ZC3H12B: variants seen among roughly 807,000 people sequenced by gnomAD.
The protein encoded by ZC3H12B is zinc finger CCCH-type containing 12B, also known as probable ribonuclease ZC3H12B.
A neutral mutation model predicts 43.9 loss-of-function variants in ZC3H12B; 7 were observed. The ratio of observed to expected loss-of-function variants is 0.16; its 90% CI spans 0.09 to 0.30. The LOEUF is 0.30. ZC3H12B is among the 10% of genes least tolerant of loss of function. The pLI is 1.00. For synonymous variants in ZC3H12B, 222 were observed against 241.7 expected, an observed-to-expected ratio of 0.92 and a Z score of 0.76; for missense variants, 475 against 670.2, an observed-to-expected ratio of 0.71 and a Z score of 3.22.
the ZC3H12B span, among the ~76,000 whole-genome samples, chrX:65,159,870 G>T: frequency 6.3e-5 from 7 of 111,642 alleles, no homozygotes; most frequent in South Asian, 7.5e-4. Flanking sequence ...TCCAGTTTTT[G>T]CCCATTCAGT....
the ZC3H12B span, among the ~76,000 whole-genome samples, chrX:65,191,447 T>C: frequency 9.9e-6 from 1 of 101,089 alleles, no homozygotes; most frequent in Non-Finnish European, 1.9e-5. Context: ...TTTTGGTTGG[T>C]AAACTATTGA....
At chrX:65,293,023 C>A in the ZC3H12B span, among the ~76,000 whole-genome samples, 1 of 112,042 alleles carries the variant, frequency 8.9e-6, no homozygotes. Context: ...AAACATCATT[C>A]AAATACTTTG....
the ZC3H12B span, among the ~76,000 whole-genome samples, chrX:65,172,951 A>C: frequency 6.3e-5 from 7 of 111,221 alleles, no homozygotes; most frequent in Non-Finnish European, 1.1e-4. Flanking sequence ...GTTTTTTCTA[A>C]TTCTGCTTAC....
chrX:65,475,854 G>C (rs958831497), intron 3 of ZC3H12B, among the ~76,000 whole-genome samples: 1 of 111,643 alleles, frequency 9.0e-6, no homozygotes, highest in Non-Finnish European at 1.9e-5. Context: ...ACCCACCCCC[G>C]TGATTGAATT....
chrX:65,224,075 T>A, the ZC3H12B span, among the ~76,000 whole-genome samples: 1 of 112,367 alleles, frequency 8.9e-6, no homozygotes, highest in Admixed American at 9.4e-5. Context: ...TCAATGAAGG[T>A]GTAAAGAAAC....
intron 3 of ZC3H12B, among the ~76,000 whole-genome samples, chrX:65,436,259 G>A (rs907573861): frequency 1.2e-4 from 14 of 112,001 alleles, no homozygotes; most frequent in African/African-American, 3.2e-4. Context: ...CTCCCACTAG[G>A]CCCCTCCTCC....
At chrX:65,228,103 T>C in the ZC3H12B span, among the ~76,000 whole-genome samples, 143 of 111,620 alleles carry the variant, frequency 1.3e-3, no homozygotes, top group East Asian at 9.3e-3. Context: ...TTGACCAATA[T>C]CCTTGATGAA....
the ZC3H12B span, among the ~76,000 whole-genome samples, chrX:65,153,981 C>CA: frequency 7.3e-5 from 8 of 110,126 alleles, no homozygotes; most frequent in South Asian, 1.6e-3. Context: ...ATTGCAAGGA[C>CA]AAAAAACCAA....
the ZC3H12B span, among the ~76,000 whole-genome samples, chrX:65,041,755 G>A: frequency 0.049 from 5,465 of 111,708 alleles, 158 homozygotes; most frequent in Non-Finnish European, 0.081. Flanking sequence ...AAAACTTCAG[G>A]ACCTTCTTCT....
the ZC3H12B span, among the ~76,000 whole-genome samples, chrX:65,069,948 T>C: frequency 9.0e-6 from 1 of 111,577 alleles, no homozygotes; most frequent in East Asian, 2.8e-4. Context: ...ATCAAGATGA[T>C]GCTGGCCTCA....
At chrX:65,418,971 C>T (rs1273932617) in intron 3 of ZC3H12B, among the ~76,000 whole-genome samples, 3 of 111,789 alleles carry the variant, frequency 2.7e-5, no homozygotes, top group Non-Finnish European at 5.6e-5. Context: ...GATTACTGGA[C>T]ATTAGATCTG....
intron 3 of ZC3H12B, among the ~76,000 whole-genome samples, chrX:65,410,303 A>G (rs1234136663): frequency 8.9e-6 from 1 of 111,781 alleles, no homozygotes; most frequent in Admixed American, 9.5e-5. Flanking sequence ...CACCATGTAC[A>G]AAAGTCAAAT....
chrX:65,056,298 C>A, the ZC3H12B span, among the ~76,000 whole-genome samples: 50 of 111,167 alleles, frequency 4.5e-4, 1 homozygote, highest in East Asian at 0.011. Flanking sequence ...TGTCTTTGTT[C>A]TCGTTGGTTT....
chrX:65,406,360 C>A (rs552537744), intron 3 of ZC3H12B, among the ~76,000 whole-genome samples: 8 of 45,072 alleles, frequency 1.8e-4, no homozygotes, highest in Middle Eastern at 0.019. Flanking sequence ...TCAATCAATG[C>A]GATACATCAT....
chrX:65,054,137 C>T, the ZC3H12B span, among the ~76,000 whole-genome samples: 1 of 111,779 alleles, frequency 8.9e-6, no homozygotes, highest in African/African-American at 3.2e-5. Flanking sequence ...TCAATTTTGG[C>T]TTTTGTTGCC....
At chrX:65,465,538 G>A (rs1015943969) in intron 3 of ZC3H12B, among the ~76,000 whole-genome samples, 2 of 111,092 alleles carry the variant, frequency 1.8e-5, no homozygotes, top group Non-Finnish European at 3.8e-5. Flanking sequence ...TTTGGATCAT[G>A]TCTTTTAATT....
chrX:65,457,011 C>T (rs1451003974), intron 3 of ZC3H12B, among the ~76,000 whole-genome samples: 9 of 99,187 alleles, frequency 9.1e-5, no homozygotes, highest in East Asian at 6.7e-4. Flanking sequence ...GCCTCTTCCC[C>T]GCTGCCATCC....
At chrX:65,151,653 C>T in the ZC3H12B span, among the ~76,000 whole-genome samples, 6 of 111,058 alleles carry the variant, frequency 5.4e-5, no homozygotes, top group Non-Finnish European at 9.5e-5. Context: ...ACAGTGAATA[C>T]AAACGAGGGA....
chrX:65,321,192 T>C, the ZC3H12B span, among the ~76,000 whole-genome samples: 1 of 99,831 alleles, frequency 1.0e-5, no homozygotes. Flanking sequence ...TAAACGGATG[T>C]ACAACAAAAA....
Sources: gnomAD v4.1 joint callset for allele counts (sites outside exome capture counted in the v4.1 genomes callset) on GRCh38, gnomAD v4.1.1 for gene constraint, MANE v1.5 for transcripts, NCBI Gene and HGNC (gene_info 2026-07-23, HGNC 2026-07-21) for gene names.